Variants in HADH observed in about 807,000 individuals in gnomAD.
HADH encodes the protein hydroxyacyl-CoA dehydrogenase.
HADH carries 24 observed loss-of-function variants against 32.2 expected under a neutral mutation model. That is an observed-to-expected ratio of 0.75 (90% CI 0.54 to 1.05). HADH has a LOEUF of 1.05. Ranked by LOEUF, HADH falls within the 50% of genes least tolerant of loss-of-function variation. The pLI, the probability that HADH is intolerant of heterozygous loss-of-function variation, is 0.00. For synonymous variants in HADH, 139 were observed against 152.5 expected, an observed-to-expected ratio of 0.91 and a Z score of 0.65; for missense variants, 350 against 397.1, an observed-to-expected ratio of 0.88 and a Z score of 1.01.
chr4:107,998,964 G>T (rs551771867), intron 1 of HADH, among the ~76,000 whole-genome samples: 1 of 152,310 alleles, frequency 6.6e-6, no homozygotes, highest in South Asian at 2.1e-4. Flanking sequence ...TCTCTGGGTT[G>T]TCTTCCTCCT....
At chr4:108,004,973 A>C (rs1735247321) in intron 1 of HADH, 1 of 1,275,156 alleles carries the variant, frequency 7.8e-7, no homozygotes, top group Admixed American at 2.0e-5. Flanking sequence ...AAGGAATGTT[A>C]AACGAAGTGA....
rs760924992 is a variant in HADH, at chr4:108,034,898, G to A, written c.*541G>A. On this transcript the variant is annotated 3_prime_UTR_variant, in exon 8 of 8. Coordinates refer to ENST00000309522, the MANE Select transcript of HADH (RefSeq NM_005327.7). ...AAGATGTGTCTTTATTCAGCTCGTC[G>A]TGAAGATGCTGCTGCTGAATGGGTC... is the stretch of plus-strand genomic sequence containing the variant. 1.5e-5 allele frequency: 3 copies of A among 198,632 alleles called. No homozygotes were observed. The highest frequency in any genetic ancestry group is 1.1e-4 in the East Asian group (1 of 8,876). The allele number at this position is 198,632 out of a possible 1,614,324, so 12.3% of individuals were successfully genotyped here.
At chr4:108,017,610 G>A (rs1735738736) in intron 3 of HADH, among the ~76,000 whole-genome samples, 1 of 151,164 alleles carries the variant, frequency 6.6e-6, no homozygotes, top group Non-Finnish European at 1.5e-5. Flanking sequence ...CTGGAGTGCA[G>A]TGGCATGATC....
At chr4:108,016,249 A>T (rs1007425516) in intron 3 of HADH, among the ~76,000 whole-genome samples, 17 of 152,178 alleles carry the variant, frequency 1.1e-4, no homozygotes, top group African/African-American at 3.9e-4. Context: ...GCAGAATAAG[A>T]TTATATGACA....
chr4:108,004,041 G>A (rs1735207767), intron 1 of HADH, among the ~76,000 whole-genome samples: 1 of 152,126 alleles, frequency 6.6e-6, no homozygotes, highest in African/African-American at 2.4e-5. Flanking sequence ...TCAGGCTGTT[G>A]CCCTCAGACC....
intron 1 of HADH, among the ~76,000 whole-genome samples, chr4:107,994,070 C>T (rs193189414): frequency 1.3e-5 from 2 of 152,232 alleles, no homozygotes; most frequent in Admixed American, 1.3e-4. Flanking sequence ...TTGTGAGGAG[C>T]CAGTGGGCTC....
At chr4:107,990,864 C>G (rs901719223) in intron 1 of HADH, among the ~76,000 whole-genome samples, 1 of 151,850 alleles carries the variant, frequency 6.6e-6, no homozygotes, top group East Asian at 1.9e-4. Context: ...ATTCTCCTGC[C>G]TCAGCCTCCC....
intron 1 of HADH, among the ~76,000 whole-genome samples, chr4:108,001,479 A>G (rs1189182263): frequency 3.9e-5 from 6 of 152,256 alleles, no homozygotes; most frequent in Admixed American, 3.3e-4. Context: ...TTTATTGGCA[A>G]TGTACAGAGC....
At position 108,034,694 on chromosome 4, in the gene HADH, T is replaced by C; in HGVS notation, c.*337T>C. On this transcript the variant is annotated 3_prime_UTR_variant, in exon 8 of 8. Coordinates refer to ENST00000309522, the MANE Select transcript of HADH (RefSeq NM_005327.7). ...CTTCTCTCATCAACGGGAAAGTACT[T>C]CCTCTGAGAGTGCGAGTGCACCATG... 2.8e-6 allele frequency: 1 copy of C among 361,206 alleles called. No homozygotes were observed. The highest frequency in any genetic ancestry group is 5.4e-6 in the Non-Finnish European group (1 of 184,990). 22.4% of individuals were successfully genotyped at this position (361,206 alleles called of 1,614,324 possible).
At position 108,034,259 on chromosome 4, in the gene HADH, G is replaced by A. The variant is rs762444373; in HGVS notation, c.847G>A (p.Glu283Lys). The change falls in exon 8 of 8, where the codon GAG becomes AAG. Residue 283 changes from glutamate (E) to lysine (K), a missense_variant. Physicochemically the swap from Glu to Lys is moderately conservative, Grantham distance 56 (BLOSUM62 1). Transcript: ENST00000309522. ...AATAGGGTGGCATGAAATGGATGCA[G>A]AGAACCCATTACATCAGCCCAGCCC... ...IVDGWHEMDAENPLHQPSPSL... is the reference protein window; with the variant it reads ...IVDGWHEMDAKNPLHQPSPSL... 2 of 1,609,826 alleles carry A rather than the reference G, an allele frequency of 1.2e-6. No individual in the cohort carries two copies. The highest frequency in any genetic ancestry group is 1.7e-6 in the Non-Finnish European group (2 of 1,176,150).
intron 1 of HADH, among the ~76,000 whole-genome samples, chr4:107,997,758 G>A (rs769092098): frequency 6.6e-6 from 1 of 151,972 alleles, no homozygotes; most frequent in Non-Finnish European, 1.5e-5. Context: ...TTAAATTGTG[G>A]TCACTCAAAC....
chr4:108,031,451 C>CG, intron 6 of HADH: 1 of 152,212 alleles, frequency 6.6e-6, no homozygotes, highest in Non-Finnish European at 1.5e-5. Context: ...ACAGAAGCTG[C>CG]GGGGCTTCCT....
At chr4:108,027,822 T>C in intron 6 of HADH, 62 bp downstream of exon 6, 1 of 957,618 alleles carries the variant, frequency 1.0e-6, no homozygotes. Context: ...TGTCTGGAAT[T>C]CTCAGTGTCT....
intron 1 of HADH, among the ~76,000 whole-genome samples, chr4:107,998,120 T>C (rs927493091): frequency 1.3e-5 from 2 of 152,260 alleles, no homozygotes; most frequent in Middle Eastern, 3.4e-3. Context: ...CAAAGATGAA[T>C]GACATTTGGT....
chr4:108,026,703 T>A (rs1193399003), intron 5 of HADH: 3 of 152,176 alleles, frequency 2.0e-5, no homozygotes, highest in African/African-American at 7.2e-5. Flanking sequence ...TCATCTGTAA[T>A]TCAGACATTA....
chr4:108,027,941 C>T (rs993159119), intron 6 of HADH, 181 bp downstream of exon 6: 5 of 642,754 alleles, frequency 7.8e-6, no homozygotes, highest in African/African-American at 7.3e-5. Flanking sequence ...TTTCCCAGGG[C>T]CTCCTGGCTT....
intron 3 of HADH, among the ~76,000 whole-genome samples, chr4:108,018,679 C>G (rs1010905368): frequency 2.5e-4 from 38 of 152,274 alleles, no homozygotes; most frequent in Admixed American, 2.2e-3. Context: ...AACCCCCAAG[C>G]CTGGTCAGTA....
chr4:108,013,713 A>T (rs954526550), intron 2 of HADH, among the ~76,000 whole-genome samples: 2 of 152,216 alleles, frequency 1.3e-5, no homozygotes, highest in African/African-American at 4.8e-5. Flanking sequence ...TAAAGCTATA[A>T]TAGGGGAAAA....
chr4:108,008,609 G>A (rs537917667), intron 1 of HADH, among the ~76,000 whole-genome samples: 1 of 152,212 alleles, frequency 6.6e-6, no homozygotes, highest in South Asian at 2.1e-4. Flanking sequence ...ACCATGGTTT[G>A]GGACTATTTC....
Sources: allele counts gnomAD v4.1 joint callset (sites outside exome capture counted in the v4.1 genomes callset), GRCh38; gene constraint gnomAD v4.1.1; transcripts MANE v1.5; gene names NCBI Gene and HGNC (gene_info 2026-07-23, HGNC 2026-07-21).